Variants in DEAF1 observed in about 807,000 individuals in gnomAD.
The protein encoded by DEAF1 is deformed epidermal autoregulatory factor 1 homolog.
Under a neutral mutation model 58.9 loss-of-function variants are expected in DEAF1, and 53 were observed. That is an observed-to-expected ratio of 0.90 (90% CI 0.72 to 1.13). The LOEUF is 1.13. Ranked by LOEUF, DEAF1 falls within the 50% of genes most tolerant of loss-of-function variation. DEAF1 has a pLI of 0.00. For synonymous variants in DEAF1, 385 were observed against 340.4 expected, an observed-to-expected ratio of 1.13 and a Z score of -1.44; for missense variants, 685 against 791.4, an observed-to-expected ratio of 0.87 and a Z score of 1.61.
rs1590011328 is a variant in DEAF1, at chr11:682,994, G to C, written c.870+1904C>G. Reference sequence around the variant, plus strand: ...ACCATAGGGAGCTGGGGGCAGAAAGGGAGGGAAGGAGCTGGTCGTAGCTCA... The same window carrying C: ...ACCATAGGGAGCTGGGGGCAGAAAGCGAGGGAAGGAGCTGGTCGTAGCTCA... On this transcript the variant is annotated intron_variant, in intron 6 of 11. Transcript: ENST00000382409. Among the ~76,000 whole-genome samples, 2 of 152,278 alleles carry C rather than the reference G, an allele frequency of 1.3e-5. 1 individual carries two copies. The highest frequency in any genetic ancestry group is 2.9e-5 in the Non-Finnish European group (2 of 68,010).
chr11:662,019 G>A (rs7943527), intron 10 of DEAF1, among the ~76,000 whole-genome samples: 34,122 of 152,082 alleles, frequency 0.22, 5,958 homozygotes, highest in African/African-American at 0.49. Flanking sequence ...ATTATGGGCC[G>A]GGCGCGGTGG....
At chr11:673,174 G>A (rs531574780) in intron 10 of DEAF1, among the ~76,000 whole-genome samples, 1 of 151,780 alleles carries the variant, frequency 6.6e-6, no homozygotes, top group Non-Finnish European at 1.5e-5. Flanking sequence ...GTAAAATAAA[G>A]CAGCAGCTGA....
chr11:650,677 G>A (rs1432723178), intron 11 of DEAF1, among the ~76,000 whole-genome samples: 1 of 151,990 alleles, frequency 6.6e-6, no homozygotes. Context: ...TGCAGGCTGG[G>A]CGCAGTGACT....
intron 10 of DEAF1, among the ~76,000 whole-genome samples, chr11:669,189 T>G (rs1299257229): frequency 2.0e-5 from 3 of 147,324 alleles, no homozygotes; most frequent in African/African-American, 7.5e-5. Context: ...CTCAAACTCC[T>G]GGCCTCAAGA....
chr11:695,151 G>C lies in DEAF1; in HGVS notation c.-104C>G. Reference sequence around the variant, plus strand: ...GAAGAGGACGCCCGAGCTGGGCCGAGGCCGCCCGAAGCCGCCGCCCGAATA... The same window carrying C: ...GAAGAGGACGCCCGAGCTGGGCCGACGCCGCCCGAAGCCGCCGCCCGAATA... On this transcript the variant is annotated 5_prime_UTR_variant, in exon 1 of 12. Coordinates refer to ENST00000382409, the MANE Select transcript of DEAF1 (RefSeq NM_021008.4). 8.8e-7 allele frequency: 1 copy of C among 1,140,620 alleles called. No homozygotes were observed. The highest frequency in any genetic ancestry group is 1.1e-6 in the Non-Finnish European group (1 of 874,798). The allele number at this position is 1,140,620 out of a possible 1,614,324, so 70.7% of individuals were successfully genotyped here. A position where few individuals can be genotyped will look rare whatever the true frequency, so the allele number is the denominator to read the frequency against.
chr11:690,851 C>T (rs557171500), intron 2 of DEAF1, among the ~76,000 whole-genome samples: 1 of 152,330 alleles, frequency 6.6e-6, no homozygotes, highest in African/African-American at 2.4e-5. Context: ...TGCCAATGGT[C>T]CCAGGGAAAA....
chr11:686,803 A>G, intron 5 of DEAF1, 55 bp downstream of exon 5: 1 of 1,611,650 alleles, frequency 6.2e-7, no homozygotes, highest in Non-Finnish European at 8.5e-7. Flanking sequence ...GGGCCGCCTC[A>G]GAGGGCCCCA....
At chr11:660,881 G>T (rs1373454656) in intron 10 of DEAF1, among the ~76,000 whole-genome samples, 1 of 139,178 alleles carries the variant, frequency 7.2e-6, no homozygotes, top group Admixed American at 6.7e-5. Flanking sequence ...TGAGGCACCC[G>T]CGGCCTTACG....
intron 1 of DEAF1, chr11:700,906 C>G (rs1453823792): frequency 9.7e-6 from 6 of 617,820 alleles, no homozygotes; most frequent in African/African-American, 1.8e-5. Context: ...ACAAATAACA[C>G]TGGGGGCATC....
At chr11:666,660 G>A (rs1320447356) in intron 10 of DEAF1, among the ~76,000 whole-genome samples, 3 of 151,958 alleles carry the variant, frequency 2.0e-5, no homozygotes, top group African/African-American at 7.3e-5. Context: ...AGCTGAGATC[G>A]TGCCACTGCA....
At position 673,618 on chromosome 11, in the gene DEAF1, G is replaced by T. The variant is rs574007162; in HGVS notation, c.1503+918C>A. On this transcript the variant is annotated intron_variant, in intron 10 of 11. Transcript: ENST00000382409. ...TGGGAAAAATATGAATTTGACTTTT[G>T]TTTACAAACCAAAGTCCACGTTACC... Among the ~76,000 whole-genome samples the T allele has an allele frequency of 2.0e-5, 3 of 152,274 alleles. No individual in the cohort carries two copies. In the South Asian group the frequency reaches 6.2e-4, roughly 32 times the overall value.
At chr11:648,218 G>C (rs1239450702) in intron 11 of DEAF1, among the ~76,000 whole-genome samples, 1 of 134,714 alleles carries the variant, frequency 7.4e-6, no homozygotes, top group East Asian at 2.2e-4. Flanking sequence ...TTTTTGAGAC[G>C]GAGTCTCCCT....
At chr11:659,228 CAAA>C (rs34491245) in intron 10 of DEAF1, among the ~76,000 whole-genome samples, 2,325 of 79,714 alleles carry the variant, frequency 0.029, 48 homozygotes, top group African/African-American at 0.087. Context: ...CCTGTCTCTA[CAAA>C]AAAAAAAAAA....
At chr11:684,427 AAAAG>A (rs1402403744) in intron 6 of DEAF1, among the ~76,000 whole-genome samples, 5 of 152,288 alleles carry the variant, frequency 3.3e-5, no homozygotes, top group South Asian at 4.1e-4. Flanking sequence ...CAGAAAAAAA[AAAAG>A]AAAGAAAAAT....
chr11:655,867 C>G (rs1249695782), intron 10 of DEAF1, among the ~76,000 whole-genome samples: 1 of 152,118 alleles, frequency 6.6e-6, no homozygotes. Flanking sequence ...GAGTCTCACT[C>G]TGTCGCCCAG....
chr11:644,354 G>A lies in DEAF1; in HGVS notation c.*196C>T, dbSNP rs1239252434. ...TAAAAAATCTGTCCGCGAGCGGGCA[G>A]GGGGCCCGGGCAGGGGGAGTGCGCT... On this transcript the variant is annotated 3_prime_UTR_variant, in exon 12 of 12. Coordinates refer to ENST00000382409, the MANE Select transcript of DEAF1 (RefSeq NM_021008.4). This position sits in a 1 kb window ranked among gnomAD's most constrained non-coding sequence, Gnocchi z 4.3. 7.9e-6 allele frequency: 5 copies of A among 630,098 alleles called. No homozygotes were observed. The Admixed American group carries it at 1.2e-4, about 15-fold the overall frequency. 39.0% of individuals were successfully genotyped at this position (630,098 alleles called of 1,614,324 possible).
At chr11:655,501 G>GC (rs1858999539) in intron 10 of DEAF1, among the ~76,000 whole-genome samples, 5 of 151,980 alleles carry the variant, frequency 3.3e-5, no homozygotes, top group Non-Finnish European at 4.4e-5. Context: ...AGGCCTTGGC[G>GC]CCGCGACCTG....
chr11:675,795 G>A (rs1220206073), intron 9 of DEAF1, among the ~76,000 whole-genome samples: 1 of 152,032 alleles, frequency 6.6e-6, no homozygotes, highest in Non-Finnish European at 1.5e-5. Context: ...ACTCAAGCCT[G>A]GGTGACAGAG....
chr11:678,525 T>G, intron 9 of DEAF1, 169 bp downstream of exon 9: 1 of 1,013,174 alleles, frequency 9.9e-7, no homozygotes, highest in South Asian at 1.4e-5. Flanking sequence ...TCAGTAAAAC[T>G]TTATTTACAA....
Sources: gnomAD v4.1 joint callset for allele counts (sites outside exome capture counted in the v4.1 genomes callset) on GRCh38, gnomAD v4.1.1 for gene constraint, Gnocchi (gnomAD v3.1) non-coding constraint, MANE v1.5 for transcripts, NCBI Gene and HGNC (gene_info 2026-07-23, HGNC 2026-07-21) for gene names.